GPR158: variants seen among roughly 807,000 people sequenced by gnomAD.
GPR158 encodes G protein-coupled receptor 158, also known as metabotropic glycine receptor.
In GPR158, 30 loss-of-function variants were observed where a neutral mutation model predicts 78.2. The ratio of observed to expected loss-of-function variants is 0.38; its 90% CI spans 0.29 to 0.52. The LOEUF is 0.52. Ranked by LOEUF, GPR158 falls within the 20% of genes least tolerant of loss-of-function variation. The pLI is 0.83. For missense variants in GPR158, 1,463 were observed against 1,523.5 expected, an observed-to-expected ratio of 0.96 and a Z score of 0.66; for synonymous variants, 581 against 591.1, an observed-to-expected ratio of 0.98 and a Z score of 0.25.
intron 2 of GPR158, among the ~76,000 whole-genome samples, chr10:25,313,019 T>C (rs68187358): frequency 0.2 from 30,699 of 151,846 alleles, 5,239 homozygotes; most frequent in African/African-American, 0.47. Context: ...TTGGGGATCC[T>C]TTGGGGTTTG....
At chr10:25,462,675 G>A (rs543158174) in intron 4 of GPR158, among the ~76,000 whole-genome samples, 1 of 152,242 alleles carries the variant, frequency 6.6e-6, no homozygotes, top group South Asian at 2.1e-4. Flanking sequence ...TGACTTTGAG[G>A]CGTTCAAGAC....
chr10:25,403,982 A>G lies in GPR158; in HGVS notation c.1111+7969A>G, dbSNP rs538061960. On this transcript the variant is annotated intron_variant, in intron 3 of 10. Coordinates refer to ENST00000376351, the MANE Select transcript of GPR158 (RefSeq NM_020752.3). ...TCATGGCCCCTATCTCAAAGAATGT[A>G]AACTTTTAAACAATCATAAGCTTAA... 3.3e-5 allele frequency among the ~76,000 whole-genome samples: 5 copies of G among 152,210 alleles called. No individual in the cohort carries two copies. In the East Asian group the frequency reaches 9.6e-4, roughly 29 times the overall value.
At chr10:25,290,803 C>T (rs1232019080) in intron 2 of GPR158, among the ~76,000 whole-genome samples, 1 of 151,998 alleles carries the variant, frequency 6.6e-6, no homozygotes, top group East Asian at 1.9e-4. Context: ...AGATAACTAA[C>T]TGTTACATTA....
rs191816947 is a variant in GPR158 at position 25,429,546 on chromosome 10, G to A, written c.1335+17073G>A. ...TTAAAACTTCTTTTGTTAGGGATCA[G>A]GAATGCCTACGTTCTCTGGTCACTG... On this transcript the variant is annotated intron_variant, in intron 4 of 10. Transcript: ENST00000376351. Among the ~76,000 whole-genome samples the A allele has an allele frequency of 3.3e-5, 5 of 152,016 alleles. No individual in the cohort carries two copies. The East Asian group carries it at 7.7e-4, about 23-fold the overall frequency.
At position 25,340,626 on chromosome 10, in the gene GPR158, G is replaced by C. The variant is rs149822241; in HGVS notation, c.1009-55285G>C. On this transcript the variant is annotated intron_variant, in intron 2 of 10. Transcript: ENST00000376351. ...GATGTAAGAGCGGATGAGATAGCTG[G>C]AGGAAGAAAATTAGTGAATTAGAAT... Among the ~76,000 whole-genome samples the C allele has an allele frequency of 3.3e-5, 5 of 152,148 alleles. No homozygotes were observed. The East Asian group carries it at 9.7e-4, about 30-fold the overall frequency.
intron 2 of GPR158, among the ~76,000 whole-genome samples, chr10:25,287,559 C>T (rs185237067): frequency 7.1e-4 from 108 of 152,140 alleles, no homozygotes; most frequent in East Asian, 6.0e-3. Context: ...ATATGTGGCT[C>T]GTTGTATGTG....
chr10:25,477,210 A>C (rs987183715), intron 5 of GPR158, among the ~76,000 whole-genome samples: 2 of 152,162 alleles, frequency 1.3e-5, no homozygotes, highest in Non-Finnish European at 2.9e-5. Context: ...CCATGATTAC[A>C]GCTTAAAGGA....
intron 5 of GPR158, among the ~76,000 whole-genome samples, chr10:25,512,327 T>C (rs2130670451): frequency 6.6e-6 from 1 of 152,264 alleles, no homozygotes. Flanking sequence ...GATTTAATTA[T>C]CTGCTTGGTC....
intron 2 of GPR158, among the ~76,000 whole-genome samples, chr10:25,317,812 T>C (rs899938584): frequency 6.6e-6 from 1 of 151,494 alleles, no homozygotes; most frequent in African/African-American, 2.4e-5. Flanking sequence ...CACTGCAGTG[T>C]CCGCCTCCTA....
intron 5 of GPR158, among the ~76,000 whole-genome samples, chr10:25,493,250 G>A (rs969660831): frequency 1.4e-4 from 22 of 152,186 alleles, no homozygotes; most frequent in Middle Eastern, 3.2e-3. Context: ...TGCAGCAAAT[G>A]CCCTGTGTTC....
intron 6 of GPR158, among the ~76,000 whole-genome samples, chr10:25,557,684 A>G (rs1375590273): frequency 2.6e-5 from 4 of 152,222 alleles, no homozygotes; most frequent in African/African-American, 9.7e-5. Flanking sequence ...CTCCATTTAT[A>G]GATTAGTATG....
chr10:25,559,380 G>A (rs958013327), intron 6 of GPR158, among the ~76,000 whole-genome samples: 13 of 152,104 alleles, frequency 8.5e-5, no homozygotes, highest in African/African-American at 2.9e-4. Context: ...TATTATGCTG[G>A]AGAGAGAGTA....
chr10:25,468,304 C>T (rs914237818), intron 5 of GPR158, among the ~76,000 whole-genome samples: 2 of 152,148 alleles, frequency 1.3e-5, no homozygotes, highest in African/African-American at 4.8e-5. Flanking sequence ...CTGCTCATGT[C>T]TGGCTATCTG....
chr10:25,596,788 G>T lies in GPR158; in HGVS notation c.2144G>T (p.Arg715Leu). Reference protein sequence around the residue: ...SEHSLDPEDIRDELKKLYAQL... With the variant: ...SEHSLDPEDILDELKKLYAQL... ...CACAGCTTGGATCCAGAGGACATTC[G>T]GGTAATGCCAGTACTCTATCTTTCT... The change falls in exon 10 of 11, where the codon CGG becomes CTG. Residue 715 changes from arginine to leucine, a missense_variant and splice_region_variant. Coordinates refer to ENST00000376351, the MANE Select transcript of GPR158 (RefSeq NM_020752.3). 1 of 1,612,544 alleles carries T rather than the reference G, an allele frequency of 6.2e-7. No homozygotes were observed. The highest frequency in any genetic ancestry group is 8.5e-7 in the Non-Finnish European group (1 of 1,179,034).
At chr10:25,272,318 A>G (rs1161117809) in intron 2 of GPR158, among the ~76,000 whole-genome samples, 1 of 152,136 alleles carries the variant, frequency 6.6e-6, no homozygotes, top group Non-Finnish European at 1.5e-5. Flanking sequence ...CTTGTCTCAC[A>G]TTTTCTTAAT....
chr10:25,273,990 T>G (rs188778080), intron 2 of GPR158, among the ~76,000 whole-genome samples: 1 of 152,256 alleles, frequency 6.6e-6, no homozygotes, highest in Non-Finnish European at 1.5e-5. Flanking sequence ...AAAGAAAATG[T>G]TTTTTGCGAG....
At chr10:25,525,699 A>T (rs1158077035) in intron 5 of GPR158, among the ~76,000 whole-genome samples, 1 of 152,192 alleles carries the variant, frequency 6.6e-6, no homozygotes, top group Non-Finnish European at 1.5e-5. Flanking sequence ...TATGGGGTTC[A>T]TTTTTGAGGT....
At chr10:25,286,197 G>GT (rs1020899899) in intron 2 of GPR158, among the ~76,000 whole-genome samples, 1 of 151,700 alleles carries the variant, frequency 6.6e-6, no homozygotes, top group African/African-American at 2.4e-5. Flanking sequence ...GTGGTTTTGT[G>GT]TTTTTTATTA....
intron 5 of GPR158, among the ~76,000 whole-genome samples, chr10:25,519,536 G>C (rs1266657369): frequency 7.3e-6 from 1 of 137,030 alleles, no homozygotes; most frequent in Non-Finnish European, 1.5e-5. Context: ...CATGTTTAGC[G>C]CTTCCTTCAG....
Sources: allele counts gnomAD v4.1 joint callset (sites outside exome capture counted in the v4.1 genomes callset), GRCh38; gene constraint gnomAD v4.1.1; transcripts MANE v1.5; gene names NCBI Gene and HGNC (gene_info 2026-07-23, HGNC 2026-07-21).